Variants in MB21D2 observed in about 807,000 individuals in gnomAD.
MB21D2 encodes the protein nucleotidyltransferase MB21D2.
MB21D2 carries 9 observed loss-of-function variants against 33.3 expected under a neutral mutation model. The observed-to-expected ratio is 0.27, with a 90% CI of 0.16 to 0.47. The LOEUF is 0.47. MB21D2 is among the 20% of genes least tolerant of loss of function. The pLI is 0.99. For synonymous variants in MB21D2, 241 were observed against 236.3 expected (o/e 1.02, Z -0.18); for missense variants, 540 against 624.6 (o/e 0.86, Z 1.44).
chr3:192,899,821 G>GTGTGTGGTAGTGTGGCTGACTGAGCTCA (rs144505478), intron 1 of MB21D2, among the ~76,000 whole-genome samples: 76,656 of 150,316 alleles, frequency 0.51, 19,607 homozygotes, highest in Admixed American at 0.52. Flanking sequence ...TGGGCACCTC[G>GTGTGTGGTAGTGTGGCTGACTGAGCTCA]TGTGTGGTAG....
At chr3:192,910,718 T>C (rs1411727449) in intron 1 of MB21D2, among the ~76,000 whole-genome samples, 1 of 152,220 alleles carries the variant, frequency 6.6e-6, no homozygotes, top group Non-Finnish European at 1.5e-5. Context: ...AGCATATGTA[T>C]AACACAGATG....
intron 1 of MB21D2, among the ~76,000 whole-genome samples, chr3:192,823,552 G>A (rs945199908): frequency 6.6e-6 from 1 of 152,152 alleles, no homozygotes; most frequent in East Asian, 1.9e-4. Flanking sequence ...CTACTCGGGA[G>A]GCTGAGGCAA....
intron 1 of MB21D2, among the ~76,000 whole-genome samples, chr3:192,813,543 G>A (rs1247374259): frequency 3.3e-5 from 5 of 152,160 alleles, no homozygotes; most frequent in South Asian, 2.1e-4. Flanking sequence ...ATTGTATGAC[G>A]CTTTGCAGTT....
At chr3:192,825,210 T>C (rs1167402463) in intron 1 of MB21D2, among the ~76,000 whole-genome samples, 1 of 152,232 alleles carries the variant, frequency 6.6e-6, no homozygotes, top group Non-Finnish European at 1.5e-5. Flanking sequence ...GGTGCTATCA[T>C]GGCTCACTGC....
At position 192,873,029 on chromosome 3, in the gene MB21D2, C is replaced by G. The variant is rs1713345558; in HGVS notation, c.211+44601G>C. On this transcript the variant is annotated intron_variant, in intron 1 of 1. Transcript: ENST00000392452. Reference sequence around the variant, plus strand: ...AAGACACCCCCCCCCACCAAGCAAGCAACTCAAAATGCTGTGTCCCCTGCC... The same window carrying G: ...AAGACACCCCCCCCCACCAAGCAAGGAACTCAAAATGCTGTGTCCCCTGCC... 2.0e-5 allele frequency among the ~76,000 whole-genome samples: 3 copies of G among 151,908 alleles called. No individual in the cohort carries two copies. In the South Asian group the frequency reaches 6.2e-4, roughly 32 times the overall value.
At chr3:192,909,580 C>T (rs547643797) in intron 1 of MB21D2, among the ~76,000 whole-genome samples, 134 of 151,846 alleles carry the variant, frequency 8.8e-4, no homozygotes, top group African/African-American at 3.0e-3. Context: ...TCCTTTTTTC[C>T]CCACTCAAGT....
intron 1 of MB21D2, among the ~76,000 whole-genome samples, chr3:192,835,443 G>A (rs1421222352): frequency 9.0e-5 from 10 of 111,416 alleles, no homozygotes; most frequent in South Asian, 7.1e-4. Flanking sequence ...GCGACACAGC[G>A]AGACTCTGTC....
chr3:192,878,016 C>T (rs974034725), intron 1 of MB21D2, among the ~76,000 whole-genome samples: 4 of 148,338 alleles, frequency 2.7e-5, no homozygotes, highest in African/African-American at 4.9e-5. Context: ...GAGGCAGCAA[C>T]GGTGGGAGAA....
intron 1 of MB21D2, among the ~76,000 whole-genome samples, chr3:192,814,821 T>C (rs924839839): frequency 1.3e-5 from 2 of 149,824 alleles, no homozygotes; most frequent in African/African-American, 2.5e-5. Flanking sequence ...GCTGAGATTG[T>C]GCCACTGCAT....
intron 1 of MB21D2, among the ~76,000 whole-genome samples, chr3:192,890,968 C>A (rs1416826737): frequency 6.6e-6 from 1 of 152,106 alleles, no homozygotes; most frequent in Non-Finnish European, 1.5e-5. Flanking sequence ...TCTCCTACCC[C>A]AGTCTAGAGT....
chr3:192,892,568 G>A (rs1382579336), intron 1 of MB21D2, among the ~76,000 whole-genome samples: 1 of 152,152 alleles, frequency 6.6e-6, no homozygotes, highest in African/African-American at 2.4e-5. Flanking sequence ...AGCCTCCTGA[G>A]TAGCTGGGAT....
chr3:192,817,757 C>G (rs539484877), intron 1 of MB21D2, among the ~76,000 whole-genome samples: 1 of 152,284 alleles, frequency 6.6e-6, no homozygotes, highest in South Asian at 2.1e-4. Context: ...ACACTCTGTT[C>G]CCACCACCGC....
intron 1 of MB21D2, among the ~76,000 whole-genome samples, chr3:192,851,491 GTTTT>G (rs34763701): frequency 3.5e-4 from 34 of 97,586 alleles, no homozygotes; most frequent in African/African-American, 1.4e-3. Context: ...TTTTTTGTCT[GTTTT>G]TTTTTTTTTT....
intron 1 of MB21D2, among the ~76,000 whole-genome samples, chr3:192,883,427 C>A (rs1033676567): frequency 5.9e-5 from 9 of 151,998 alleles, no homozygotes; most frequent in Non-Finnish European, 1.3e-4. Context: ...AAAACATATA[C>A]ATAAACATTT....
intron 1 of MB21D2, among the ~76,000 whole-genome samples, chr3:192,909,417 T>C (rs1448516429): frequency 6.6e-6 from 1 of 152,208 alleles, no homozygotes; most frequent in Non-Finnish European, 1.5e-5. Context: ...TTTTTTGAGA[T>C]ATCTGCAACA....
At chr3:192,840,415 C>CTTTTTTTTTTTTTTTTTTTTTTTT (rs71177380) in intron 1 of MB21D2, among the ~76,000 whole-genome samples, 3 of 88,290 alleles carry the variant, frequency 3.4e-5, no homozygotes, top group Non-Finnish European at 6.2e-5. Context: ...TCTCTTTTTT[C>CTTTTTTTTTTTTTTTTTTTTTTTT]TTTTTTTTTT....
At chr3:192,812,208 C>G (rs975253664) in intron 1 of MB21D2, among the ~76,000 whole-genome samples, 5 of 151,916 alleles carry the variant, frequency 3.3e-5, no homozygotes, top group African/African-American at 1.2e-4. Flanking sequence ...CCACCACGCC[C>G]GGCTAATTTT....
intron 1 of MB21D2, among the ~76,000 whole-genome samples, chr3:192,854,626 C>T (rs1334334027): frequency 6.6e-6 from 1 of 152,220 alleles, no homozygotes; most frequent in African/African-American, 2.4e-5. Context: ...GAGAAGATGT[C>T]AATGCAACTT....
In MB21D2 at chr3:192,895,195, C is replaced by A. The variant is rs140649928; in HGVS notation, c.211+22435G>T. Among the ~76,000 whole-genome samples, 259 of 152,230 alleles carry A rather than the reference C, an allele frequency of 1.7e-3. 2 individuals are homozygous for A. The highest frequency in any genetic ancestry group is 0.01 in the Middle Eastern group (3 of 294). On this transcript the variant is annotated intron_variant, in intron 1 of 1. Coordinates refer to ENST00000392452, the MANE Select transcript of MB21D2 (RefSeq NM_178496.4). Reference sequence around the variant, plus strand: ...ACCATTCCTTCTGGTCCAGTGCTCACCTCCTTCATTTCACCAGCAGGTGCC... The same window carrying A: ...ACCATTCCTTCTGGTCCAGTGCTCAACTCCTTCATTTCACCAGCAGGTGCC...
Sources: gnomAD v4.1 joint callset for allele counts (sites outside exome capture counted in the v4.1 genomes callset) on GRCh38, gnomAD v4.1.1 for gene constraint, MANE v1.5 for transcripts, NCBI Gene and HGNC (gene_info 2026-07-23, HGNC 2026-07-21) for gene names.